ADAMTS18: variants seen among roughly 807,000 people sequenced by gnomAD.
ADAMTS18 encodes the protein ADAM metallopeptidase with thrombospondin type 1 motif 18, also known as A disintegrin and metalloproteinase with thrombospondin motifs 18.
Under a neutral mutation model 165.9 loss-of-function variants are expected in ADAMTS18, and 157 were observed. That is an observed-to-expected ratio of 0.95 (90% CI 0.83 to 1.08). The LOEUF (loss-of-function observed/expected upper bound fraction) is 1.08, where lower values mean the gene tolerates loss of function less well. Ranked by LOEUF, ADAMTS18 falls within the 50% of genes least tolerant of loss-of-function variation. The pLI, the probability that ADAMTS18 is intolerant of heterozygous loss-of-function variation, is 0.00. For synonymous variants in ADAMTS18, 782 were observed against 578.2 expected (o/e 1.35, Z -5.06); for missense variants, 2,040 against 1,534.0 (o/e 1.33, Z -5.51).
rs1411394196 is a variant in ADAMTS18, at chr16:77,316,563, CCT to C, written c.2532+3284_2532+3285del. On this transcript the variant is annotated intron_variant, in intron 16 of 22. Transcript: ENST00000282849. ...GGTTTGTATTATGTGTGGGCCACCC[CCT>C]GACTATACCCATCTCACACCTCAAT... Among the ~76,000 whole-genome samples, 8 of 152,292 alleles carry C rather than the reference CCT, an allele frequency of 5.3e-5. No individual in the cohort carries two copies. In the East Asian group the frequency reaches 1.5e-3, roughly 29 times the overall value.
At chr16:77,311,652 C>T (rs1373700849) in intron 16 of ADAMTS18, among the ~76,000 whole-genome samples, 1 of 150,616 alleles carries the variant, frequency 6.6e-6, no homozygotes, top group Non-Finnish European at 1.5e-5. Flanking sequence ...AAGGCATTAA[C>T]CTAAATTATT....
chr16:77,400,822 A>C (rs1276815691), intron 3 of ADAMTS18, among the ~76,000 whole-genome samples: 3 of 152,000 alleles, frequency 2.0e-5, no homozygotes, highest in African/African-American at 7.3e-5. Context: ...TGCCCTCAGA[A>C]GAATCCTCTA....
intron 10 of ADAMTS18, among the ~76,000 whole-genome samples, chr16:77,343,065 C>A (rs2056422819): frequency 6.8e-6 from 1 of 147,908 alleles, no homozygotes; most frequent in Non-Finnish European, 1.5e-5. Context: ...TGATTTTAGA[C>A]CTTACTTTCT....
intron 3 of ADAMTS18, among the ~76,000 whole-genome samples, chr16:77,403,994 ACCCT>A (rs2057363101): frequency 8.4e-6 from 1 of 119,714 alleles, no homozygotes. Flanking sequence ...GAAGCAACCC[ACCCT>A]TCCTCCCTCC....
At chr16:77,284,756 C>G (rs959313863) in intron 22 of ADAMTS18, among the ~76,000 whole-genome samples, 1 of 152,156 alleles carries the variant, frequency 6.6e-6, no homozygotes, top group African/African-American at 2.4e-5. Context: ...CTTTAGGGAT[C>G]CCCTAAGGAT....
At chr16:77,412,647 G>C in intron 3 of ADAMTS18, among the ~76,000 whole-genome samples, 1 of 152,254 alleles carries the variant, frequency 6.6e-6, no homozygotes, top group African/African-American at 2.4e-5. Flanking sequence ...CATGGTGGAA[G>C]GTGAAACGCA....
intron 3 of ADAMTS18, among the ~76,000 whole-genome samples, chr16:77,423,910 A>G (rs1191281362): frequency 2.0e-5 from 3 of 152,158 alleles, no homozygotes; most frequent in Admixed American, 2.0e-4. Context: ...AAAGAGAGAG[A>G]GAGAATATGT....
At chr16:77,297,916 CTTTTTTTT>C (rs34422251) in intron 17 of ADAMTS18, among the ~76,000 whole-genome samples, 32 of 61,558 alleles carry the variant, frequency 5.2e-4, no homozygotes, top group East Asian at 1.9e-3. Context: ...TCTGCTTTTG[CTTTTTTTT>C]TTTTTTTTTT....
chr16:77,340,817 C>T (rs936842186), intron 11 of ADAMTS18, among the ~76,000 whole-genome samples: 2 of 152,140 alleles, frequency 1.3e-5, no homozygotes, highest in Non-Finnish European at 2.9e-5. Context: ...ATCCTCCCTG[C>T]TCAGCCTCCC....
Position 77,306,133 on chromosome 16 carries a change from C to T in ADAMTS18, c.2533-5729G>A, listed in dbSNP as rs915689972. 2.0e-5 allele frequency among the ~76,000 whole-genome samples: 3 copies of T among 152,328 alleles called. No homozygotes were observed. The South Asian group carries it at 6.2e-4, about 32-fold the overall frequency. On this transcript the variant is annotated intron_variant, in intron 16 of 22. Coordinates refer to ENST00000282849, the MANE Select transcript of ADAMTS18 (RefSeq NM_199355.4). ...GAAAGACCGCCAGTGATTCAATCTA[C>T]TTAACTGGACTTAGTCCAGAGAATT...
intron 14 of ADAMTS18, 114 bp from the exon 15 acceptor site, chr16:77,321,316 G>C: frequency 7.2e-7 from 1 of 1,393,702 alleles, no homozygotes; most frequent in Non-Finnish European, 9.9e-7. Context: ...AAGCAGTACA[G>C]CTTATGGTTA....
chr16:77,388,563 C>T (rs746886947), intron 3 of ADAMTS18, among the ~76,000 whole-genome samples: 1 of 152,130 alleles, frequency 6.6e-6, no homozygotes, highest in Non-Finnish European at 1.5e-5. Context: ...GATTTTTGTG[C>T]CTCAGTTTAT....
chr16:77,359,874 T>G (rs898865036), intron 7 of ADAMTS18, among the ~76,000 whole-genome samples: 1 of 152,194 alleles, frequency 6.6e-6, no homozygotes, highest in Non-Finnish European at 1.5e-5. Flanking sequence ...CATATCCTGG[T>G]CTTTTACTAG....
chr16:77,380,879 T>C (rs1429641652), intron 3 of ADAMTS18, among the ~76,000 whole-genome samples: 1 of 152,158 alleles, frequency 6.6e-6, no homozygotes, highest in African/African-American at 2.4e-5. Flanking sequence ...TTTTATATTT[T>C]ATTTTATTTA....
chr16:77,358,206 G>A (rs1429932616), intron 8 of ADAMTS18, among the ~76,000 whole-genome samples: 1 of 152,010 alleles, frequency 6.6e-6, no homozygotes, highest in East Asian at 1.9e-4. Context: ...TAATAATGTT[G>A]GAAATTTGTT....
chr16:77,286,785 C>T (rs533023349), intron 22 of ADAMTS18, among the ~76,000 whole-genome samples: 16 of 152,234 alleles, frequency 1.1e-4, no homozygotes, highest in African/African-American at 3.1e-4. Flanking sequence ...CTTCCAGACA[C>T]GTAAACACCC....
Position 77,284,099 on chromosome 16 carries a change from T to C in ADAMTS18, c.3551-28A>G, listed in dbSNP as rs755241614. The stretch of plus-strand genomic sequence containing the variant: ...AAAATAAGAAAATATATTTAGCATG[T>C]TGGCTAGGGTGTCTATCCTTTTTCT... On this transcript the variant is annotated intron_variant, in intron 22 of 22. Coordinates refer to ENST00000282849, the MANE Select transcript of ADAMTS18 (RefSeq NM_199355.4). 8 of 1,488,254 alleles carry C rather than the reference T, an allele frequency of 5.4e-6. No individual in the cohort carries two copies. The South Asian group carries it at 9.0e-5, about 17-fold the overall frequency. The allele number at this position is 1,488,254 out of a possible 1,614,324, so 92.2% of individuals were successfully genotyped here. A position where few individuals can be genotyped will look rare whatever the true frequency, so the allele number is the denominator to read the frequency against.
chr16:77,331,482 CATT>C (rs1233471505), intron 12 of ADAMTS18, among the ~76,000 whole-genome samples: 1 of 152,136 alleles, frequency 6.6e-6, no homozygotes, highest in African/African-American at 2.4e-5. Context: ...AAAACAACAT[CATT>C]GTTTTAATAC....
intron 16 of ADAMTS18, among the ~76,000 whole-genome samples, chr16:77,313,926 A>T (rs1467104304): frequency 2.0e-5 from 3 of 152,250 alleles, no homozygotes; most frequent in African/African-American, 7.2e-5. Flanking sequence ...ATCTTTAATA[A>T]GAGAGTTCAA....
Sources: gnomAD v4.1 joint callset for allele counts (sites outside exome capture counted in the v4.1 genomes callset) on GRCh38, gnomAD v4.1.1 for gene constraint, MANE v1.5 for transcripts, NCBI Gene and HGNC (gene_info 2026-07-23, HGNC 2026-07-21) for gene names.